Variants in PIGK observed in about 807,000 individuals in gnomAD.
The protein encoded by PIGK is GPI-anchor transamidase.
PIGK carries 42 observed loss-of-function variants against 50.6 expected under a neutral mutation model. The observed-to-expected ratio is 0.83, with a 90% CI of 0.65 to 1.07. The LOEUF (loss-of-function observed/expected upper bound fraction) is 1.07. Ranked by LOEUF, PIGK falls within the 50% of genes least tolerant of loss-of-function variation. The probability of loss-of-function intolerance (pLI) is 0.00; values close to 1 mark genes in which losing one functional copy is unlikely to be tolerated. For synonymous variants in PIGK, 151 were observed against 156.0 expected, an observed-to-expected ratio of 0.97 and a Z score of 0.24; for missense variants, 448 against 488.7, an observed-to-expected ratio of 0.92 and a Z score of 0.78.
intron 3 of PIGK, among the ~76,000 whole-genome samples, chr1:77,191,641 G>A (rs1052994363): frequency 1.3e-5 from 2 of 152,186 alleles, no homozygotes; most frequent in Admixed American, 1.3e-4. Flanking sequence ...TTCTCCAGGC[G>A]GAAAGCAAGA....
rs184959792 is a variant in PIGK at position 77,157,079 on chromosome 1, T to C, written c.814-2458A>G. ...AAATGTGCTCTTCAACTGTCACCAA[T>C]GACACTATAAATTTTTAAGGGGCTA... is the stretch of plus-strand genomic sequence containing the variant. On this transcript the variant is annotated intron_variant, in intron 8 of 10. Coordinates refer to ENST00000370812, the MANE Select transcript of PIGK (RefSeq NM_005482.3). Among the ~76,000 whole-genome samples the C allele has an allele frequency of 1.0e-3, 158 of 152,334 alleles. 1 individual carries two copies. The highest frequency in any genetic ancestry group is 3.6e-3 in the African/African-American group (149 of 41,584).
chr1:77,130,360 GC>G (rs1454273737), intron 9 of PIGK, among the ~76,000 whole-genome samples: 16 of 99,850 alleles, frequency 1.6e-4, no homozygotes, highest in African/African-American at 5.3e-4. Context: ...TTTTCTTTTT[GC>G]ATTTTTATCT....
At chr1:77,145,249 T>A (rs1654741856) in intron 9 of PIGK, among the ~76,000 whole-genome samples, 1 of 151,970 alleles carries the variant, frequency 6.6e-6, no homozygotes. Context: ...TTCAATAATG[T>A]AATATATACT....
intron 10 of PIGK, among the ~76,000 whole-genome samples, chr1:77,109,681 T>C (rs1194771817): frequency 6.6e-6 from 1 of 152,152 alleles, no homozygotes; most frequent in Non-Finnish European, 1.5e-5. Context: ...ACTGGAAGCA[T>C]TCCCTTTGAA....
intron 3 of PIGK, among the ~76,000 whole-genome samples, chr1:77,201,255 T>C (rs1040376756): frequency 9.2e-5 from 14 of 152,192 alleles, no homozygotes; most frequent in African/African-American, 3.4e-4. Flanking sequence ...ATTCTAATAT[T>C]TATTAACTGG....
chr1:77,093,027 G>A (rs1653333762), intron 10 of PIGK, among the ~76,000 whole-genome samples: 1 of 152,006 alleles, frequency 6.6e-6, no homozygotes, highest in South Asian at 2.1e-4. Context: ...CTTGGGTCAT[G>A]TTTTTCCCTT....
chr1:77,170,921 T>C (rs1570239427), intron 3 of PIGK, among the ~76,000 whole-genome samples: 1 of 152,334 alleles, frequency 6.6e-6, no homozygotes, highest in Middle Eastern at 3.4e-3. Flanking sequence ...GAAAATTGGC[T>C]AGATTTCTAC....
In PIGK at chr1:77,206,477, C is replaced by CTAATTTATACATGGTAGTA. The variant is rs1656289110; in HGVS notation, c.239+144_239+162dup. ...TTGTCATTATGGTCTTAAGTAACAT[C>CTAATTTATACATGGTAGTA]TAATTTATACATGGTAGTATGCTCT... is the stretch of plus-strand genomic sequence containing the variant. On this transcript the variant is annotated intron_variant, in intron 3 of 10. Coordinates refer to ENST00000370812, the MANE Select transcript of PIGK (RefSeq NM_005482.3). Among the ~76,000 whole-genome samples, 3 of 152,112 alleles carry CTAATTTATACATGGTAGTA rather than the reference C, an allele frequency of 2.0e-5. No individual in the cohort carries two copies. In the South Asian group the frequency reaches 6.2e-4, roughly 32 times the overall value.
At chr1:77,210,637 G>T in intron 1 of PIGK, 148 bp from the exon 2 acceptor site, 1 of 550,556 alleles carries the variant, frequency 1.8e-6, no homozygotes. Context: ...TGTCATTATG[G>T]ACTACACAAA....
At chr1:77,099,086 CATA>C (rs1444711383) in intron 10 of PIGK, among the ~76,000 whole-genome samples, 1 of 151,750 alleles carries the variant, frequency 6.6e-6, no homozygotes, top group Non-Finnish European at 1.5e-5. Flanking sequence ...TCAGTGGCTA[CATA>C]ATAAAAAACA....
intron 3 of PIGK, among the ~76,000 whole-genome samples, chr1:77,173,542 G>A (rs1357333433): frequency 6.6e-6 from 1 of 152,138 alleles, no homozygotes; most frequent in African/African-American, 2.4e-5. Context: ...CAGCAAAAGG[G>A]CAAGAATTTC....
chr1:77,099,749 C>T (rs1653500636), intron 10 of PIGK, among the ~76,000 whole-genome samples: 1 of 152,070 alleles, frequency 6.6e-6, no homozygotes, highest in Admixed American at 6.6e-5. Context: ...GAGGTAAGTT[C>T]ATATTAAAGC....
chr1:77,095,773 T>C (rs1653393011), intron 10 of PIGK, among the ~76,000 whole-genome samples: 1 of 152,154 alleles, frequency 6.6e-6, no homozygotes, highest in African/African-American at 2.4e-5. Flanking sequence ...CAGATGATCC[T>C]AGTTTAAGCC....
chr1:77,177,519 T>C (rs894160314), intron 3 of PIGK, among the ~76,000 whole-genome samples: 1 of 152,266 alleles, frequency 6.6e-6, no homozygotes, highest in African/African-American at 2.4e-5. Context: ...CTTTGTTTCC[T>C]GTAAGGAATA....
At chr1:77,177,854 A>T (rs1390083256) in intron 3 of PIGK, among the ~76,000 whole-genome samples, 1 of 152,118 alleles carries the variant, frequency 6.6e-6, no homozygotes, top group African/African-American at 2.4e-5. Flanking sequence ...ATAATCTCAC[A>T]ACTGGGAAAG....
In PIGK at chr1:77,090,609, T is replaced by G. The variant is rs1653274630; in HGVS notation, c.*1765A>C. 6.6e-6 allele frequency: 1 copy of G among 152,244 alleles called. No individual in the cohort carries two copies. Among genetic ancestry groups the G allele is most frequent in the Non-Finnish European group, 1.5e-5 (1 of 68,036 alleles). The allele number at this position is 152,244 out of a possible 1,614,324, so 9.4% of individuals were successfully genotyped here. Reference sequence around the variant, plus strand: ...TCATTATATTCAAACTAAATTACTTTGGCTCAAGAACAATCATAATTCCTT... The same window carrying G: ...TCATTATATTCAAACTAAATTACTTGGGCTCAAGAACAATCATAATTCCTT... On this transcript the variant is annotated 3_prime_UTR_variant, in exon 11 of 11. Coordinates refer to ENST00000370812, the MANE Select transcript of PIGK (RefSeq NM_005482.3).
intron 9 of PIGK, among the ~76,000 whole-genome samples, chr1:77,136,559 A>AAG (rs1654523834): frequency 6.6e-6 from 1 of 151,250 alleles, no homozygotes; most frequent in Non-Finnish European, 1.5e-5. Context: ...AAAAAAAAAA[A>AAG]AGATGTTTGC....
rs1411118535 is a variant in PIGK, at chr1:77,128,999, C to A, written c.987-6640G>T. 4.4e-6 allele frequency: 3 copies of A among 676,998 alleles called. No homozygotes were observed. The East Asian group carries it at 7.7e-5, about 17-fold the overall frequency. The allele number at this position is 676,998 out of a possible 1,614,324, so 41.9% of individuals were successfully genotyped here. On this transcript the variant is annotated intron_variant, in intron 9 of 10. Coordinates refer to ENST00000370812, the MANE Select transcript of PIGK (RefSeq NM_005482.3). ...ACAAAATTTGAATTTCAGTGTTGCA[C>A]TATAACAGCAGAGCTGCATATTTAC...
intron 3 of PIGK, among the ~76,000 whole-genome samples, chr1:77,182,199 C>G (rs1414231960): frequency 2.6e-5 from 4 of 152,070 alleles, no homozygotes; most frequent in East Asian, 3.9e-4. Context: ...TTGAATATAA[C>G]GAAGATAACA....
Sources: allele counts gnomAD v4.1 joint callset (sites outside exome capture counted in the v4.1 genomes callset), GRCh38; gene constraint gnomAD v4.1.1; transcripts MANE v1.5; gene names NCBI Gene and HGNC (gene_info 2026-07-23, HGNC 2026-07-21).